The following AMBRA1 variants were observed in gnomAD, a reference collection of about 807,000 sequenced individuals.
The protein encoded by AMBRA1 is autophagy and beclin 1 regulator 1.
In AMBRA1, 47 loss-of-function variants were observed where a neutral mutation model predicts 125.4. That is an observed-to-expected ratio of 0.37 (90% CI 0.30 to 0.48). The LOEUF (loss-of-function observed/expected upper bound fraction) is 0.48, where lower values mean the gene tolerates loss of function less well. AMBRA1 is among the 20% of genes least tolerant of loss of function. AMBRA1 has a pLI of 0.99. For synonymous variants in AMBRA1, 626 were observed against 655.5 expected (o/e 0.95, Z 0.69); for missense variants, 1,331 against 1,693.4 (o/e 0.79, Z 3.76).
intron 14 of AMBRA1, chr11:46,428,637 A>C: frequency 6.3e-7 from 1 of 1,591,746 alleles, no homozygotes; most frequent in Non-Finnish European, 8.5e-7. Context: ...TCAATGCAAA[A>C]GAATCCTCTC....
At chr11:46,565,273 A>G (rs1197241962) in intron 1 of AMBRA1, among the ~76,000 whole-genome samples, 6 of 151,940 alleles carry the variant, frequency 3.9e-5, no homozygotes, top group Non-Finnish European at 8.8e-5. Context: ...AAAAACGAAA[A>G]GGAAAAAGAA....
At chr11:46,491,750 T>A (rs183974907) in intron 11 of AMBRA1, among the ~76,000 whole-genome samples, 2 of 152,324 alleles carry the variant, frequency 1.3e-5, no homozygotes, top group African/African-American at 4.8e-5. Flanking sequence ...AGATTTCACA[T>A]CTGTAAACAG....
chr11:46,547,580 G>C (rs1027659915), intron 3 of AMBRA1, among the ~76,000 whole-genome samples: 1 of 152,138 alleles, frequency 6.6e-6, no homozygotes, highest in Non-Finnish European at 1.5e-5. Context: ...ACAGGCAAAT[G>C]ATTGTTATTG....
At chr11:46,482,886 G>A (rs1276201810) in intron 11 of AMBRA1, among the ~76,000 whole-genome samples, 2 of 152,040 alleles carry the variant, frequency 1.3e-5, no homozygotes, top group African/African-American at 2.4e-5. Flanking sequence ...GCATGCGCCT[G>A]TAGTTCCAGC....
At chr11:46,406,437 G>A (rs1266912657) in intron 17 of AMBRA1, among the ~76,000 whole-genome samples, 1 of 149,770 alleles carries the variant, frequency 6.7e-6, no homozygotes, top group East Asian at 2.0e-4. Context: ...AGCACTTTGG[G>A]AGGCCAAGGT....
chr11:46,463,848 T>G (rs1453601855), intron 11 of AMBRA1, among the ~76,000 whole-genome samples: 4 of 152,152 alleles, frequency 2.6e-5, no homozygotes, highest in African/African-American at 9.7e-5. Context: ...TGGTAAAACG[T>G]AACAAAAAAA....
chr11:46,526,880 T>C (rs1951998710), intron 7 of AMBRA1, among the ~76,000 whole-genome samples: 1 of 152,220 alleles, frequency 6.6e-6, no homozygotes, highest in Non-Finnish European at 1.5e-5. Flanking sequence ...TAGAACTAAG[T>C]CCATGAGGTT....
At chr11:46,554,803 C>T (rs2043115587) in intron 1 of AMBRA1, among the ~76,000 whole-genome samples, 2 of 152,194 alleles carry the variant, frequency 1.3e-5, no homozygotes, top group Middle Eastern at 3.4e-3. Context: ...CCAATCTGTC[C>T]CTTAAAGTAA....
rs570030197 is a variant in AMBRA1, at chr11:46,500,815, A to C, written c.2340-6611T>G. 2.0e-5 allele frequency among the ~76,000 whole-genome samples: 3 copies of C among 152,260 alleles called. No homozygotes were observed. In the South Asian group the frequency reaches 6.2e-4, roughly 32 times the overall value. On this transcript the variant is annotated intron_variant, in intron 9 of 17. Transcript: ENST00000683756. ...TTCAATACCCAGCTCAAATCCATGA[A>C]GCTTTCTCACCTCTCCCCAAATACT...
At position 46,529,746 on chromosome 11, in the gene AMBRA1, A is replaced by G. The variant is rs192084108; in HGVS notation, c.2072+12199T>C. On this transcript the variant is annotated intron_variant, in intron 7 of 17. Coordinates refer to ENST00000683756, the MANE Select transcript of AMBRA1 (RefSeq NM_001387011.1). ...AATCCAGATACCCGAATTGATATGG[A>G]AAAAAAACATCCAAATTTTTAGAAA... is the stretch of plus-strand genomic sequence containing the variant. Among the ~76,000 whole-genome samples the G allele has an allele frequency of 1.2e-4, 19 of 152,124 alleles. No individual in the cohort carries two copies. The East Asian group carries it at 1.7e-3, about 14-fold the overall frequency.
At chr11:46,477,876 G>C (rs2136907540) in intron 11 of AMBRA1, among the ~76,000 whole-genome samples, 1 of 152,062 alleles carries the variant, frequency 6.6e-6, no homozygotes, top group Non-Finnish European at 1.5e-5. Context: ...AGGAGTTCGA[G>C]ACCAGCCTGG....
chr11:46,419,737 G>A (rs544139695), intron 14 of AMBRA1, among the ~76,000 whole-genome samples: 2 of 152,256 alleles, frequency 1.3e-5, no homozygotes, highest in Admixed American at 1.3e-4. Flanking sequence ...GGTTTAGACA[G>A]TAATATTCAT....
At chr11:46,468,111 T>G (rs1949407178) in intron 11 of AMBRA1, among the ~76,000 whole-genome samples, 1 of 152,182 alleles carries the variant, frequency 6.6e-6, no homozygotes, top group Non-Finnish European at 1.5e-5. Flanking sequence ...CCTCACACAT[T>G]TGTTGAATGA....
rs934155557 is a variant in AMBRA1, at chr11:46,566,286, C to T, written c.-120-17786G>A. Among the ~76,000 whole-genome samples the T allele has an allele frequency of 4.6e-5, 7 of 152,016 alleles. No individual in the cohort carries two copies. In the East Asian group the frequency reaches 5.8e-4, roughly 13 times the overall value. ...TACAAAAACTAGCTGGCCATGGTGG[C>T]GGGCACCTGTAGTCCCAGCTACCGG... is the stretch of plus-strand genomic sequence containing the variant. On this transcript the variant is annotated intron_variant, in intron 1 of 17. Transcript: ENST00000683756.
chr11:46,422,540 A>C, intron 14 of AMBRA1, among the ~76,000 whole-genome samples: 1 of 152,154 alleles, frequency 6.6e-6, no homozygotes, highest in East Asian at 1.9e-4. Context: ...CAAAACTAAA[A>C]GTGTCTTGTT....
rs149473793 is a variant in AMBRA1 at position 46,417,338 on chromosome 11, C to T, written c.3116+575G>A. Among the ~76,000 whole-genome samples the T allele has an allele frequency of 1.5e-3, 227 of 152,304 alleles. 5 individuals carry two copies. The East Asian group carries it at 0.037, about 25-fold the overall frequency. On this transcript the variant is annotated intron_variant, in intron 15 of 17. Coordinates refer to ENST00000683756, the MANE Select transcript of AMBRA1 (RefSeq NM_001387011.1). ...GTGCTGGGATTACAGGCATGAGCCA[C>T]TGTGCCCAGCCCCAAATTGAGCTTT...
At chr11:46,513,186 T>C (rs1241896454) in intron 7 of AMBRA1, among the ~76,000 whole-genome samples, 1 of 152,012 alleles carries the variant, frequency 6.6e-6, no homozygotes, top group Non-Finnish European at 1.5e-5. Context: ...CTAACATTTA[T>C]CTTGTTGTTT....
At chr11:46,403,367 G>A (rs567254708) in intron 17 of AMBRA1, among the ~76,000 whole-genome samples, 2 of 152,254 alleles carry the variant, frequency 1.3e-5, no homozygotes, top group South Asian at 2.1e-4. Context: ...CTGGTCTACC[G>A]ACCATCTTCA....
At chr11:46,543,478 C>T in intron 6 of AMBRA1, 80 bp from the exon 7 acceptor site, 2 of 1,534,504 alleles carry the variant, frequency 1.3e-6, no homozygotes, top group Non-Finnish European at 1.8e-6. Flanking sequence ...GAAAAACTAA[C>T]CACTGACAAT....
Sources: allele counts gnomAD v4.1 joint callset (sites outside exome capture counted in the v4.1 genomes callset), GRCh38; gene constraint gnomAD v4.1.1; transcripts MANE v1.5; gene names NCBI Gene and HGNC (gene_info 2026-07-23, HGNC 2026-07-21).